NTF3: variants seen among roughly 807,000 people sequenced by gnomAD.
The protein encoded by NTF3 is neurotrophin-3.
A neutral mutation model predicts 26.3 loss-of-function variants in NTF3; 8 were observed. The ratio of observed to expected loss-of-function variants is 0.30; its 90% CI spans 0.18 to 0.55. The LOEUF is 0.55. Among genes scored for constraint, NTF3 ranks in the 20% least tolerant of loss-of-function variants. NTF3 has a pLI of 0.93. For missense variants in NTF3, 276 were observed against 352.9 expected (o/e 0.78, Z 1.75); for synonymous variants, 154 against 145.5 (o/e 1.06, Z -0.42).
At chr12:5,473,263 C>T (rs761059175) in intron 1 of NTF3, among the ~76,000 whole-genome samples, 2 of 152,194 alleles carry the variant, frequency 1.3e-5, no homozygotes, top group Admixed American at 6.5e-5. Flanking sequence ...AATTGTGCAA[C>T]TTGTGCTAGG....
intron 1 of NTF3, among the ~76,000 whole-genome samples, chr12:5,483,212 T>A (rs1394968889): frequency 1.1e-4 from 17 of 152,060 alleles, no homozygotes; most frequent in African/African-American, 3.9e-4. Context: ...TCTCTCTCTC[T>A]CTCTCTCTCT....
At chr12:5,487,856 C>A (rs1226518854) in intron 1 of NTF3, among the ~76,000 whole-genome samples, 1 of 152,198 alleles carries the variant, frequency 6.6e-6, no homozygotes, top group Non-Finnish European at 1.5e-5. Context: ...AACAGAGAGA[C>A]TAGCTGTTTC....
intron 1 of NTF3, among the ~76,000 whole-genome samples, chr12:5,458,955 G>A (rs1940489456): frequency 6.6e-6 from 1 of 152,156 alleles, no homozygotes; most frequent in Admixed American, 6.5e-5. Context: ...TATTTTATAG[G>A]ATGGTAACTC....
At chr12:5,458,239 C>T (rs1466941527) in intron 1 of NTF3, among the ~76,000 whole-genome samples, 1 of 152,184 alleles carries the variant, frequency 6.6e-6, no homozygotes, top group East Asian at 1.9e-4. Context: ...CTCCTCTTCC[C>T]TGCCACCACG....
rs1298581153 is a variant in NTF3 at position 5,433,839 on chromosome 12, G to A, written c.18+1497G>A. Among the ~76,000 whole-genome samples, 12 of 151,198 alleles carry A rather than the reference G, an allele frequency of 7.9e-5. No homozygotes were observed. Among genetic ancestry groups the A allele is most frequent in the Non-Finnish European group, 1.8e-4 (12 of 67,812 alleles). On this transcript the variant is annotated intron_variant, in intron 1 of 1. Coordinates refer to ENST00000423158, the MANE Select transcript of NTF3 (RefSeq NM_001102654.2). The surrounding 1 kb of genome is among the most constrained non-coding windows in gnomAD (Gnocchi z 4.6). ...GACTTGTTTATGTGTGTGAAGAGGC[G>A]GGGGCGAGGGCCTGCTGAGAGGGGA...
At chr12:5,451,476 G>T (rs115599239) in intron 1 of NTF3, among the ~76,000 whole-genome samples, 1 of 152,168 alleles carries the variant, frequency 6.6e-6, no homozygotes, top group Non-Finnish European at 1.5e-5. Flanking sequence ...CAGAAGTAGT[G>T]ATGACGTACA....
chr12:5,446,277 A>G (rs1344004078), intron 1 of NTF3, among the ~76,000 whole-genome samples: 1 of 152,228 alleles, frequency 6.6e-6, no homozygotes, highest in African/African-American at 2.4e-5. Context: ...AGTTTGCATA[A>G]TGCATTCATA....
In NTF3 at chr12:5,494,736, G is replaced by A. The variant is rs1940986925; in HGVS notation, c.561G>A (p.Thr187=). 1.9e-6 allele frequency: 3 copies of A among 1,614,156 alleles called. No individual in the cohort carries two copies. Among genetic ancestry groups the A allele is most frequent in the Middle Eastern group, 1.7e-4 (1 of 6,060 alleles). The change falls in exon 2 of 2, where the codon ACG becomes ACA. Residue 187 remains threonine, a synonymous_variant. Coordinates refer to ENST00000423158, the MANE Select transcript of NTF3 (RefSeq NM_001102654.2). This position sits in a 1 kb window ranked among gnomAD's most constrained non-coding sequence, Gnocchi z 8.3. Reference sequence around the variant, plus strand: ...TCGACATTCGGGGACACCAGGTCACGGTGCTGGGGGAGATCAAAACGGGCA... The same window carrying A: ...TCGACATTCGGGGACACCAGGTCACAGTGCTGGGGGAGATCAAAACGGGCA... The part of the protein sequence containing the change: ...SAIDIRGHQV[T]VLGEIKTGNS...
intron 1 of NTF3, among the ~76,000 whole-genome samples, chr12:5,463,462 G>A (rs914603463): frequency 3.9e-5 from 6 of 152,158 alleles, no homozygotes; most frequent in South Asian, 2.1e-4. Context: ...AAAAGGCTTC[G>A]TGGAGGAGGT....
intron 1 of NTF3, among the ~76,000 whole-genome samples, chr12:5,473,989 G>T (rs1449180425): frequency 6.6e-6 from 1 of 152,124 alleles, no homozygotes; most frequent in Non-Finnish European, 1.5e-5. Flanking sequence ...ATTGCTCTTG[G>T]CTCTGAATAA....
intron 1 of NTF3, among the ~76,000 whole-genome samples, chr12:5,463,096 A>T (rs975975979): frequency 1.3e-5 from 2 of 152,146 alleles, no homozygotes; most frequent in Non-Finnish European, 2.9e-5. Context: ...ATCCCAGGGG[A>T]TGCCTTCTTC....
chr12:5,446,308 T>C (rs997212474), intron 1 of NTF3, among the ~76,000 whole-genome samples: 4 of 152,232 alleles, frequency 2.6e-5, no homozygotes, highest in African/African-American at 9.6e-5. Context: ...GTTTGTGATC[T>C]TGGAATGATC....
intron 1 of NTF3, among the ~76,000 whole-genome samples, chr12:5,476,293 A>T (rs1330908375): frequency 6.6e-6 from 1 of 152,140 alleles, no homozygotes; most frequent in East Asian, 1.9e-4. Flanking sequence ...CAGCTGAGGG[A>T]GCTCCTACCT....
intron 1 of NTF3, among the ~76,000 whole-genome samples, chr12:5,442,803 G>A (rs1940255295): frequency 6.6e-6 from 1 of 152,182 alleles, no homozygotes; most frequent in Admixed American, 6.5e-5. Context: ...ATTGTAAGGG[G>A]CCACTCTGCT....
intron 1 of NTF3, among the ~76,000 whole-genome samples, chr12:5,440,963 T>G (rs1325903200): frequency 6.6e-6 from 1 of 152,226 alleles, no homozygotes; most frequent in Admixed American, 6.5e-5. Flanking sequence ...GATGAGTGCA[T>G]GTTTATGAAG....
intron 1 of NTF3, among the ~76,000 whole-genome samples, chr12:5,442,710 TA>T: frequency 6.6e-6 from 1 of 152,164 alleles, no homozygotes; most frequent in African/African-American, 2.4e-5. Flanking sequence ...TCCTATTTAG[TA>T]ATTTTTTTAG....
chr12:5,449,770 T>G (rs1422672688), intron 1 of NTF3, among the ~76,000 whole-genome samples: 1 of 152,184 alleles, frequency 6.6e-6, no homozygotes, highest in Non-Finnish European at 1.5e-5. Context: ...CCCAGGATAA[T>G]CCATCTGATT....
Position 5,494,445 on chromosome 12 carries a change from C to A in NTF3, c.270C>A (p.Pro90=), listed in dbSNP as rs746534025. ...CCCGAGAGCCGGAGCGGGGAGGGCC[C>A]GCCAAGTCAGCATTCCAGCCGGTGA... is the stretch of plus-strand genomic sequence containing the variant. ...EAPREPERGG[P]AKSAFQPVIA... Residue 90 remains proline, a synonymous_variant, in exon 2 of 2, where the codon CCC becomes CCA. Coordinates refer to ENST00000423158, the MANE Select transcript of NTF3 (RefSeq NM_001102654.2). The surrounding 1 kb of genome is among the most constrained non-coding windows in gnomAD (Gnocchi z 8.3). 4 of 1,613,534 alleles carry A rather than the reference C, an allele frequency of 2.5e-6. No individual in the cohort carries two copies. The highest frequency in any genetic ancestry group is 2.5e-6 in the Non-Finnish European group (3 of 1,180,018).
upstream of NTF3, chr12:5,431,988 CGCGCG>C (rs1940095909): frequency 2.0e-5 from 3 of 149,116 alleles, no homozygotes; most frequent in South Asian, 1.8e-4. Context: ...GGCGCGGGCG[CGCGCG>C]GCGCGGCGCG....
Sources: allele counts gnomAD v4.1 joint callset (sites outside exome capture counted in the v4.1 genomes callset), GRCh38; gene constraint gnomAD v4.1.1; non-coding constraint Gnocchi (gnomAD v3.1); transcripts MANE v1.5; gene names NCBI Gene and HGNC (gene_info 2026-07-23, HGNC 2026-07-21).